Variants in CNKSR3 observed in about 807,000 individuals in gnomAD.
CNKSR3 encodes the protein CNKSR family member 3.
A neutral mutation model predicts 67.7 loss-of-function variants in CNKSR3; 36 were observed. The observed-to-expected ratio is 0.53, with a 90% CI of 0.41 to 0.70. The LOEUF (loss-of-function observed/expected upper bound fraction) is 0.70, where lower values mean the gene tolerates loss of function less well. Ranked by LOEUF, CNKSR3 falls within the 30% of genes least tolerant of loss-of-function variation. The probability of loss-of-function intolerance (pLI) is 0.00; values close to 1 mark genes in which losing one functional copy is unlikely to be tolerated. For synonymous variants in CNKSR3, 281 were observed against 271.4 expected (o/e 1.04, Z -0.35); for missense variants, 630 against 695.2 (o/e 0.91, Z 1.05).
At chr6:154,461,309 G>A (rs535391380) in intron 1 of CNKSR3, among the ~76,000 whole-genome samples, 1 of 152,308 alleles carries the variant, frequency 6.6e-6, no homozygotes, top group South Asian at 2.1e-4. Context: ...TAAGTGGAGG[G>A]GAAGACAGTT....
intron 1 of CNKSR3, among the ~76,000 whole-genome samples, chr6:154,455,298 C>T (rs1413990528): frequency 6.6e-6 from 1 of 151,678 alleles, no homozygotes; most frequent in Non-Finnish European, 1.5e-5. Flanking sequence ...CAGCCTCCAT[C>T]TCAAAAAACC....
Position 154,406,627 on chromosome 6 carries a change from G to T in CNKSR3, c.1395C>A (p.Phe465Leu). Residue 465 changes from phenylalanine (F) to leucine (L), a missense_variant, in exon 13 of 13, where the codon TTC (phenylalanine) becomes TTA (leucine). Around this residue, in one of 3 missense-constraint regions of CNKSR3, gnomAD observed 308 missense variants for 299.6 expected, o/e 1.03. Coordinates refer to ENST00000607772, the MANE Select transcript of CNKSR3 (RefSeq NM_173515.4). ...TGATCGGAGGAATCCGCTCGTTACT[G>T]AAATACCGGCAAAGGGCATCCTCCC... is the stretch of plus-strand genomic sequence containing the variant. ...RKGEDALCRY[F>L]SNERIPPIIE... The T allele has an allele frequency of 6.2e-7, 1 of 1,613,288 alleles. No individual in the cohort carries two copies. Among genetic ancestry groups the T allele is most frequent in the Non-Finnish European group, 8.5e-7 (1 of 1,179,322 alleles).
intron 1 of CNKSR3, among the ~76,000 whole-genome samples, chr6:154,490,655 TC>T (rs1043061236): frequency 6.6e-6 from 1 of 152,072 alleles, no homozygotes; most frequent in Non-Finnish European, 1.5e-5. Flanking sequence ...TGATCTAACA[TC>T]CCACTCCCGA....
At chr6:154,500,996 A>C (rs891273649) in intron 1 of CNKSR3, among the ~76,000 whole-genome samples, 1 of 152,228 alleles carries the variant, frequency 6.6e-6, no homozygotes, top group African/African-American at 2.4e-5. Context: ...CCAGAAAATA[A>C]CAATGATGTG....
At chr6:154,484,916 C>G (rs1786639041) in intron 1 of CNKSR3, among the ~76,000 whole-genome samples, 1 of 152,190 alleles carries the variant, frequency 6.6e-6, no homozygotes, top group African/African-American at 2.4e-5. Context: ...AATAGCCACA[C>G]AGGTCTGGTA....
chr6:154,439,435 T>A (rs1011911250), intron 4 of CNKSR3, among the ~76,000 whole-genome samples: 2 of 152,128 alleles, frequency 1.3e-5, no homozygotes, highest in Admixed American at 6.5e-5. Context: ...CTTTCATCCC[T>A]TTCTCTCCTC....
intron 2 of CNKSR3, among the ~76,000 whole-genome samples, chr6:154,444,463 A>G (rs1013549961): frequency 6.6e-6 from 1 of 152,156 alleles, no homozygotes; most frequent in Non-Finnish European, 1.5e-5. Flanking sequence ...ACCTGCCCAA[A>G]AAAGCGCCAC....
chr6:154,477,427 C>T (rs1786475317), intron 1 of CNKSR3, among the ~76,000 whole-genome samples: 1 of 152,060 alleles, frequency 6.6e-6, no homozygotes, highest in Non-Finnish European at 1.5e-5. Context: ...TCTCCTGTCT[C>T]AGCCTCCTGA....
intron 1 of CNKSR3, among the ~76,000 whole-genome samples, chr6:154,495,542 AT>A (rs57229246): frequency 0.011 from 1,487 of 138,578 alleles, 24 homozygotes; most frequent in African/African-American, 0.032. Flanking sequence ...TCATTTTAAC[AT>A]TTTTTTTTTT....
intron 9 of CNKSR3, among the ~76,000 whole-genome samples, chr6:154,416,881 T>C (rs1785035077): frequency 6.6e-6 from 1 of 152,174 alleles, no homozygotes; most frequent in African/African-American, 2.4e-5. Context: ...CAAGCAAAAT[T>C]AGGAGTCTCT....
At chr6:154,489,524 C>A (rs1222229907) in intron 1 of CNKSR3, among the ~76,000 whole-genome samples, 1 of 141,290 alleles carries the variant, frequency 7.1e-6, no homozygotes, top group East Asian at 2.1e-4. Context: ...AAGTGAGAGT[C>A]CATCTCAAAA....
At chr6:154,443,673 G>A (rs1562335526) in intron 2 of CNKSR3, among the ~76,000 whole-genome samples, 1 of 152,038 alleles carries the variant, frequency 6.6e-6, no homozygotes, top group East Asian at 1.9e-4. Context: ...AAACACAGCA[G>A]CACTAACTAA....
intron 9 of CNKSR3, among the ~76,000 whole-genome samples, chr6:154,415,444 T>C (rs7775483): frequency 0.36 from 54,040 of 151,778 alleles, 9,957 homozygotes; most frequent in African/African-American, 0.39. Flanking sequence ...TTGGCCAGGC[T>C]GGTCTCAAAC....
intron 6 of CNKSR3, 109 bp downstream of exon 6, chr6:154,430,363 T>C: frequency 1.0e-6 from 1 of 991,692 alleles, no homozygotes; most frequent in Non-Finnish European, 1.5e-6. Flanking sequence ...CAGTCTAAAT[T>C]AATTCTGCTT....
At chr6:154,480,716 C>T (rs139282709) in intron 1 of CNKSR3, among the ~76,000 whole-genome samples, 1 of 152,268 alleles carries the variant, frequency 6.6e-6, no homozygotes, top group East Asian at 1.9e-4. Context: ...GAAGATATAC[C>T]ACGTTCTTGA....
At chr6:154,492,345 C>A (rs1237666565) in intron 1 of CNKSR3, among the ~76,000 whole-genome samples, 3 of 152,020 alleles carry the variant, frequency 2.0e-5, no homozygotes, top group Non-Finnish European at 4.4e-5. Flanking sequence ...GTCATCCAGT[C>A]TCAAAGATTT....
At chr6:154,434,491 A>G (rs929885021) in intron 4 of CNKSR3, among the ~76,000 whole-genome samples, 1 of 152,228 alleles carries the variant, frequency 6.6e-6, no homozygotes, top group Admixed American at 6.5e-5. Flanking sequence ...TCAATCAAAA[A>G]GTCATTTTTA....
At chr6:154,509,159 G>T (rs573054947) in intron 1 of CNKSR3, among the ~76,000 whole-genome samples, 1 of 152,230 alleles carries the variant, frequency 6.6e-6, no homozygotes, top group African/African-American at 2.4e-5. Context: ...TGAAAATACA[G>T]ATTGTTCTTG....
rs558857216 is a variant in CNKSR3, at chr6:154,419,648, A to G, written c.945+2858T>C. Among the ~76,000 whole-genome samples, 5 of 152,322 alleles carry G rather than the reference A, an allele frequency of 3.3e-5. No homozygotes were observed. The East Asian group carries it at 9.6e-4, about 29-fold the overall frequency. ...ACTGGATACACGTTTAAAGGAAATGAGATCAGTATGCTGAGGAGATATCTG... is the reference window on the plus strand; with the variant it reads ...ACTGGATACACGTTTAAAGGAAATGGGATCAGTATGCTGAGGAGATATCTG... On this transcript the variant is annotated intron_variant, in intron 9 of 12. Coordinates refer to ENST00000607772, the MANE Select transcript of CNKSR3 (RefSeq NM_173515.4).
Sources: allele counts gnomAD v4.1 joint callset (sites outside exome capture counted in the v4.1 genomes callset), GRCh38; gene constraint gnomAD v4.1.1; regional missense constraint gnomAD v4.1.1; transcripts MANE v1.5; gene names NCBI Gene and HGNC (gene_info 2026-07-23, HGNC 2026-07-21).